Variants in PIK3C2G observed in about 807,000 individuals in gnomAD.
The protein encoded by PIK3C2G is phosphatidylinositol-4-phosphate 3-kinase catalytic subunit type 2 gamma, also known as phosphatidylinositol 3-kinase C2 domain-containing subunit gamma.
PIK3C2G carries 168 observed loss-of-function variants against 181.1 expected under a neutral mutation model. The ratio of observed to expected loss-of-function variants is 0.93; its 90% CI spans 0.82 to 1.05. The LOEUF (loss-of-function observed/expected upper bound fraction) is 1.05, where lower values mean the gene tolerates loss of function less well. Ranked by LOEUF, PIK3C2G falls within the 50% of genes least tolerant of loss-of-function variation. The pLI, the probability that PIK3C2G is intolerant of heterozygous loss-of-function variation, is 0.00. For missense variants in PIK3C2G, 1,869 were observed against 1,732.8 expected (o/e 1.08, Z -1.40); for synonymous variants, 573 against 592.2 (o/e 0.97, Z 0.47).
intron 9 of PIK3C2G, among the ~76,000 whole-genome samples, chr12:18,341,996 T>C (rs1425477977): frequency 6.6e-6 from 1 of 152,152 alleles, no homozygotes; most frequent in African/African-American, 2.4e-5. Flanking sequence ...ACAATTTGCA[T>C]CCTTCAAATT....
At chr12:18,673,119 G>T in the PIK3C2G span, among the ~76,000 whole-genome samples, 47 of 152,058 alleles carry the variant, frequency 3.1e-4, no homozygotes, top group African/African-American at 1.1e-3. Context: ...GTTCCAAAAG[G>T]TATGAAGAAG....
At chr12:18,578,839 T>G (rs949741889) in intron 29 of PIK3C2G, among the ~76,000 whole-genome samples, 2 of 152,056 alleles carry the variant, frequency 1.3e-5, no homozygotes, top group African/African-American at 4.8e-5. Context: ...CTCTTGTTAA[T>G]AAAACAAGAG....
At chr12:18,313,828 A>G (rs1328912290) in intron 5 of PIK3C2G, 134 bp from the exon 6 acceptor site, 2 of 564,200 alleles carry the variant, frequency 3.5e-6, no homozygotes, top group African/African-American at 1.9e-5. Flanking sequence ...ACACACACAC[A>G]CGCACACACA....
chr12:18,532,810 G>C (rs571771141), intron 24 of PIK3C2G, among the ~76,000 whole-genome samples: 1 of 152,038 alleles, frequency 6.6e-6, no homozygotes, highest in Non-Finnish European at 1.5e-5. Flanking sequence ...GGCTGGTGTA[G>C]GGGAGAAGTG....
chr12:18,468,142 G>C (rs61914369), intron 18 of PIK3C2G, among the ~76,000 whole-genome samples: 19,567 of 151,826 alleles, frequency 0.13, 1,281 homozygotes, highest in African/African-American at 0.15. Context: ...ACAAAAATAA[G>C]TCTGCTCTCC....
intron 16 of PIK3C2G, among the ~76,000 whole-genome samples, chr12:18,417,840 G>C (rs1352039197): frequency 6.6e-6 from 1 of 151,576 alleles, no homozygotes; most frequent in East Asian, 1.9e-4. Flanking sequence ...TATCTCTGAG[G>C]TATGCCTGTA....
chr12:18,700,102 AT>A, the PIK3C2G span: 1 of 679,482 alleles, frequency 1.5e-6, no homozygotes, highest in East Asian at 2.8e-5. Context: ...CAATATGATT[AT>A]TTTTGGGAAC....
chr12:18,585,468 G>A (rs1946721258), intron 29 of PIK3C2G, among the ~76,000 whole-genome samples: 1 of 151,854 alleles, frequency 6.6e-6, no homozygotes, highest in South Asian at 2.1e-4. Context: ...TTACATAATG[G>A]TAAAGCATTG....
chr12:18,660,969 A>G, the PIK3C2G span, among the ~76,000 whole-genome samples: 2 of 152,160 alleles, frequency 1.3e-5, no homozygotes, highest in Non-Finnish European at 2.9e-5. Context: ...TAGAAAACCC[A>G]AATGAAGCCA....
chr12:18,631,707 G>T (rs889453761), intron 31 of PIK3C2G, among the ~76,000 whole-genome samples: 1 of 152,142 alleles, frequency 6.6e-6, no homozygotes, highest in Non-Finnish European at 1.5e-5. Context: ...GAAGGTGTTC[G>T]ATCTTGGTAC....
intron 31 of PIK3C2G, among the ~76,000 whole-genome samples, chr12:18,618,771 A>G (rs1323584994): frequency 1.3e-5 from 2 of 152,154 alleles, no homozygotes; most frequent in Non-Finnish European, 1.5e-5. Context: ...AAAAATCACA[A>G]AACAAATGTA....
upstream of PIK3C2G, chr12:18,261,399 C>T (rs1948227864): frequency 6.6e-6 from 1 of 151,754 alleles, no homozygotes; most frequent in Non-Finnish European, 1.5e-5. Context: ...TCCATATAAC[C>T]CTTCAGGGTT....
chr12:18,569,707 G>A (rs1419386060), intron 29 of PIK3C2G, among the ~76,000 whole-genome samples: 1 of 152,024 alleles, frequency 6.6e-6, no homozygotes, highest in African/African-American at 2.4e-5. Flanking sequence ...TCTCTCATTT[G>A]CAATAAATAC....
chr12:18,488,475 C>A lies in PIK3C2G; in HGVS notation c.2531C>A (p.Ala844Asp). 6.5e-7 allele frequency: 1 copy of A among 1,528,888 alleles called. No individual in the cohort carries two copies. The highest frequency in any genetic ancestry group is 1.3e-5 in the South Asian group (1 of 78,332). 94.7% of individuals were successfully genotyped at this position (1,528,888 alleles called of 1,614,324 possible). ...YWLLKNAENE[A>D]YFKSWYQKLL... is the part of the protein sequence containing the mutation. ...CTGCTAAAAAATGCAGAAAATGAAG[C>A]TTATTTTAAAAGCTGGTATCAGAAG... The change falls in exon 19 of 33, where the codon GCT becomes GAT. Residue 844 changes from alanine (A) to aspartate (D), a missense_variant. Ala to Asp is a moderately radical substitution (Grantham distance 126). Transcript: ENST00000538779.
At chr12:18,253,147 A>G (rs1350437583) in intron 1 of PIK3C2G, among the ~76,000 whole-genome samples, 4 of 152,356 alleles carry the variant, frequency 2.6e-5, no homozygotes, top group African/African-American at 4.8e-5. Flanking sequence ...GATTTTTTAA[A>G]GAGAACATTT....
intron 1 of PIK3C2G, among the ~76,000 whole-genome samples, chr12:18,279,241 C>G (rs1949112646): frequency 6.6e-6 from 1 of 151,808 alleles, no homozygotes; most frequent in Admixed American, 6.6e-5. Context: ...TTTTGTTGCT[C>G]AGGTCTTTAT....
upstream of PIK3C2G, among the ~76,000 whole-genome samples, chr12:18,245,977 A>T (rs1340345771): frequency 6.6e-6 from 1 of 152,176 alleles, no homozygotes; most frequent in African/African-American, 2.4e-5. Context: ...TGATTTTAAA[A>T]TTTTTGGTAG....
At chr12:18,724,750 C>T in the PIK3C2G span, among the ~76,000 whole-genome samples, 1 of 151,974 alleles carries the variant, frequency 6.6e-6, no homozygotes, top group African/African-American at 2.4e-5. Context: ...TTCATTTTAG[C>T]CTTATCTCAC....
At chr12:18,497,561 T>C in intron 21 of PIK3C2G, 58 bp from the exon 22 acceptor site, 1 of 1,421,618 alleles carries the variant, frequency 7.0e-7, no homozygotes. Flanking sequence ...TGTATTTGAC[T>C]GCTTTTAATT....
Sources: gnomAD v4.1 joint callset for allele counts (sites outside exome capture counted in the v4.1 genomes callset) on GRCh38, gnomAD v4.1.1 for gene constraint, MANE v1.5 for transcripts, NCBI Gene and HGNC (gene_info 2026-07-23, HGNC 2026-07-21) for gene names.